The following LCORL variants were observed in gnomAD, a reference collection of about 807,000 sequenced individuals.
The protein encoded by LCORL is ligand-dependent nuclear receptor corepressor-like protein.
A neutral mutation model predicts 141.8 loss-of-function variants in LCORL; 41 were observed. That is an observed-to-expected ratio of 0.29 (90% CI 0.23 to 0.38). LCORL has a LOEUF of 0.38. LCORL is among the 10% of genes least tolerant of loss of function. The probability of loss-of-function intolerance (pLI) is 1.00; values close to 1 mark genes in which losing one functional copy is unlikely to be tolerated. For missense variants in LCORL, 1,759 were observed against 2,035.0 expected (o/e 0.86, Z 2.61); for synonymous variants, 618 against 694.1 (o/e 0.89, Z 1.72).
intron 4 of LCORL, among the ~76,000 whole-genome samples, chr4:17,915,838 A>C (rs1218970067): frequency 6.6e-6 from 1 of 152,226 alleles, no homozygotes; most frequent in Admixed American, 6.5e-5. Flanking sequence ...AAATCAAGGA[A>C]GAACTGTGAT....
chr4:17,951,737 G>A (rs1436951210), intron 4 of LCORL, among the ~76,000 whole-genome samples: 1 of 152,166 alleles, frequency 6.6e-6, no homozygotes, highest in African/African-American at 2.4e-5. Context: ...AGAACATAAA[G>A]GTCCACGAAG....
chr4:17,909,046 C>T (rs201697718), intron 5 of LCORL, 48 bp downstream of exon 5: 64 of 1,453,422 alleles, frequency 4.4e-5, no homozygotes, highest in Non-Finnish European at 5.1e-5. Flanking sequence ...ATACATTTAA[C>T]GATATAAAAC....
chr4:17,880,949 CAG>C (rs1459033205), intron 6 of LCORL: 5 of 981,028 alleles, frequency 5.1e-6, no homozygotes, highest in Non-Finnish European at 6.0e-6. Flanking sequence ...AAGGCAGCCA[CAG>C]AGTTTTACTA....
intron 1 of LCORL, among the ~76,000 whole-genome samples, chr4:17,995,515 A>C (rs986495598): frequency 1.3e-5 from 2 of 152,180 alleles, no homozygotes; most frequent in Non-Finnish European, 2.9e-5. Flanking sequence ...ATCTAAATAG[A>C]TACTAAAAGA....
At chr4:17,957,214 T>C (rs1480548177) in intron 4 of LCORL, among the ~76,000 whole-genome samples, 1 of 151,936 alleles carries the variant, frequency 6.6e-6, no homozygotes, top group African/African-American at 2.4e-5. Flanking sequence ...AAAATGTAGA[T>C]GGAATACTTT....
chr4:17,931,215 T>C (rs775266583), intron 4 of LCORL, among the ~76,000 whole-genome samples: 1 of 152,086 alleles, frequency 6.6e-6, no homozygotes, highest in African/African-American at 2.4e-5. Context: ...CTCCCACCTC[T>C]ACCACCACCA....
At chr4:17,843,192 T>TATC (rs1043508339) in exon 8 of LCORL, 35 of 1,175,366 alleles carry the variant, frequency 3.0e-5, no homozygotes, top group African/African-American at 4.6e-5. Flanking sequence ...GGAATCAGGC[T>TATC]ATCAATTAAA....
At chr4:17,963,458 G>C (rs962195580) in intron 2 of LCORL, among the ~76,000 whole-genome samples, 2 of 151,958 alleles carry the variant, frequency 1.3e-5, no homozygotes, top group East Asian at 3.9e-4. Flanking sequence ...TAGAGAAATA[G>C]AAGAAAGCAC....
chr4:17,905,102 A>G (rs939281206), intron 5 of LCORL, among the ~76,000 whole-genome samples: 1 of 152,024 alleles, frequency 6.6e-6, no homozygotes, highest in African/African-American at 2.4e-5. Context: ...GCTATTGCAA[A>G]TGTAACTTTT....
chr4:17,851,947 C>T (rs1160553005), intron 7 of LCORL, among the ~76,000 whole-genome samples: 1 of 152,084 alleles, frequency 6.6e-6, no homozygotes, highest in Non-Finnish European at 1.5e-5. Context: ...TTTTAGAAGC[C>T]ATTTGTGTTC....
At chr4:17,968,064 G>A (rs1043761066) in intron 2 of LCORL, among the ~76,000 whole-genome samples, 2 of 151,936 alleles carry the variant, frequency 1.3e-5, no homozygotes, top group Non-Finnish European at 2.9e-5. Flanking sequence ...CACCATGTTG[G>A]CCAGGCCGGT....
chr4:18,021,697 C>T lies in LCORL; in HGVS notation c.55G>A (p.Ala19Thr). 2.0e-6 allele frequency: 3 copies of T among 1,530,970 alleles called. No homozygotes were observed. The highest frequency in any genetic ancestry group is 2.5e-5 in the East Asian group (1 of 39,886). The allele number at this position is 1,530,970 out of a possible 1,614,324, so 94.8% of individuals were successfully genotyped here. ...GGGCTCCGGCACTGAGCGGCGGCGG[C>T]GGCGGCGGCAGCAGCGGCGGCGGCA... The change falls in exon 1 of 8, where the codon GCC becomes ACC. Residue 19 changes from alanine (A) to threonine (T), a missense_variant. Ala to Thr is a moderately conservative substitution (Grantham distance 58, BLOSUM62 0). Around this residue, in one of 5 missense-constraint regions of LCORL, gnomAD observed 86 missense variants for 61.8 expected, o/e 1.39. Transcript: ENST00000635767. The surrounding 1 kb of genome is among the most constrained non-coding windows in gnomAD (Gnocchi z 5.5).
chr4:17,966,733 A>G (rs562779891), intron 2 of LCORL, among the ~76,000 whole-genome samples: 1 of 152,330 alleles, frequency 6.6e-6, no homozygotes, highest in South Asian at 2.1e-4. Context: ...AATTAAGGCA[A>G]TGAAATACCA....
chr4:17,873,413 C>T, exon 7 of LCORL: 1 of 1,233,628 alleles, frequency 8.1e-7, no homozygotes, highest in Non-Finnish European at 1.0e-6. Flanking sequence ...AATAGTTTGC[C>T]ATTTGTCCAC....
At chr4:17,842,561 C>T (rs1236310607) in exon 8 of LCORL, 8 of 548,248 alleles carry the variant, frequency 1.5e-5, no homozygotes, top group Non-Finnish European at 2.0e-5. Context: ...CTTCTTACGG[C>T]GTGTTTGCTT....
intron 1 of LCORL, among the ~76,000 whole-genome samples, chr4:18,010,568 G>A (rs1051289365): frequency 6.6e-6 from 1 of 152,092 alleles, no homozygotes; most frequent in African/African-American, 2.4e-5. Context: ...TCCTGCCTCA[G>A]CCTCCTGAGC....
intron 7 of LCORL, chr4:17,867,009 G>C: frequency 1.0e-6 from 1 of 984,866 alleles, no homozygotes; most frequent in Non-Finnish European, 1.2e-6. Flanking sequence ...CTCAGATAGA[G>C]AAAGCAGGTC....
exon 8 of LCORL, chr4:17,844,419 T>G (rs1722726105): frequency 6.6e-6 from 1 of 152,406 alleles, no homozygotes; most frequent in Admixed American, 6.6e-5. Context: ...CTAGAGGCCA[T>G]TTACTTAAGG....
chr4:17,857,991 C>CA (rs1724559593), intron 7 of LCORL, among the ~76,000 whole-genome samples: 1 of 151,708 alleles, frequency 6.6e-6, no homozygotes, highest in Non-Finnish European at 1.5e-5. Flanking sequence ...TGCATGCATG[C>CA]AAAAAACATA....
Sources: gnomAD v4.1 joint callset for allele counts (sites outside exome capture counted in the v4.1 genomes callset) on GRCh38, gnomAD v4.1.1 for gene constraint, gnomAD v4.1.1 regional missense constraint, Gnocchi (gnomAD v3.1) non-coding constraint, MANE v1.5 for transcripts, NCBI Gene and HGNC (gene_info 2026-07-23, HGNC 2026-07-21) for gene names.